Variants in FRMD4A observed in about 807,000 individuals in gnomAD.
The protein encoded by FRMD4A is FERM domain-containing protein 4A.
A neutral mutation model predicts 129.1 loss-of-function variants in FRMD4A; 29 were observed. The ratio of observed to expected loss-of-function variants is 0.22; its 90% CI spans 0.17 to 0.31. The LOEUF (loss-of-function observed/expected upper bound fraction) is 0.31, where lower values mean the gene tolerates loss of function less well. Among genes scored for constraint, FRMD4A ranks in the 10% least tolerant of loss-of-function variants. The pLI is 1.00. For synonymous variants in FRMD4A, 634 were observed against 571.6 expected (o/e 1.11, Z -1.56); for missense variants, 1,272 against 1,375.8 (o/e 0.92, Z 1.19).
chr10:13,973,469 A>G (rs1444812734), intron 2 of FRMD4A, among the ~76,000 whole-genome samples: 1 of 152,150 alleles, frequency 6.6e-6, no homozygotes, highest in African/African-American at 2.4e-5. Context: ...TACAGGCATG[A>G]GCTACCTCAC....
intron 2 of FRMD4A, among the ~76,000 whole-genome samples, chr10:14,015,018 C>CCCTT (rs1359229417): frequency 1.5e-5 from 2 of 136,936 alleles, no homozygotes; most frequent in Non-Finnish European, 3.1e-5. Context: ...CTCCCTCCCT[C>CCCTT]CCTTCCTTCC....
chr10:14,063,024 GAC>G (rs1215534303), intron 2 of FRMD4A, among the ~76,000 whole-genome samples: 1 of 152,156 alleles, frequency 6.6e-6, no homozygotes, highest in Non-Finnish European at 1.5e-5. Flanking sequence ...CTGTTTCATT[GAC>G]AGTGCTTCTC....
chr10:14,001,807 A>G (rs1014209972), intron 2 of FRMD4A, among the ~76,000 whole-genome samples: 1 of 152,214 alleles, frequency 6.6e-6, no homozygotes, highest in Non-Finnish European at 1.5e-5. Context: ...CTGGCTAATA[A>G]TATGTGTGAA....
At chr10:14,109,860 G>A (rs535446550) in intron 2 of FRMD4A, among the ~76,000 whole-genome samples, 1 of 151,318 alleles carries the variant, frequency 6.6e-6, no homozygotes, top group Non-Finnish European at 1.5e-5. Flanking sequence ...TAATCCCAGC[G>A]ACTCAGGTGG....
chr10:13,994,308 T>C (rs1309468015), intron 2 of FRMD4A, among the ~76,000 whole-genome samples: 1 of 151,042 alleles, frequency 6.6e-6, no homozygotes, highest in African/African-American at 2.4e-5. Flanking sequence ...GCCTCCCGAG[T>C]AGCTGGGACT....
intron 2 of FRMD4A, among the ~76,000 whole-genome samples, chr10:14,041,348 T>A (rs1833771206): frequency 2.6e-5 from 4 of 152,272 alleles, no homozygotes; most frequent in Admixed American, 2.0e-4. Context: ...CTTTGCTTTG[T>A]TGTAGTTTCC....
chr10:13,809,310 C>G (rs2093407497), intron 4 of FRMD4A, among the ~76,000 whole-genome samples: 1 of 152,184 alleles, frequency 6.6e-6, no homozygotes, highest in Non-Finnish European at 1.5e-5. Flanking sequence ...CAGGCCTCCT[C>G]TAGAGTTCAC....
At chr10:13,976,205 T>C (rs2095541613) in intron 2 of FRMD4A, among the ~76,000 whole-genome samples, 1 of 152,168 alleles carries the variant, frequency 6.6e-6, no homozygotes, top group Non-Finnish European at 1.5e-5. Flanking sequence ...AGTGTTTGTC[T>C]ATTGTAAGTC....
chr10:13,791,342 A>T (rs1326463620), intron 5 of FRMD4A, among the ~76,000 whole-genome samples: 1 of 152,160 alleles, frequency 6.6e-6, no homozygotes, highest in Non-Finnish European at 1.5e-5. Context: ...CCATGAACCA[A>T]CCTGAAGTTG....
intron 12 of FRMD4A, among the ~76,000 whole-genome samples, chr10:13,733,704 G>A (rs1188345838): frequency 6.6e-6 from 1 of 152,242 alleles, no homozygotes; most frequent in East Asian, 1.9e-4. Context: ...TGGGATTACA[G>A]GCGTGAGCCA....
intron 4 of FRMD4A, among the ~76,000 whole-genome samples, chr10:13,810,244 T>C (rs1454255031): frequency 6.6e-6 from 1 of 152,206 alleles, no homozygotes; most frequent in East Asian, 1.9e-4. Context: ...AAAATGGAAA[T>C]TTTAGTAAAG....
rs755512922 is a variant in FRMD4A, at chr10:13,652,025, G to C, written c.3051-51C>G. 4.2e-6 allele frequency: 4 copies of C among 959,152 alleles called. No individual in the cohort carries two copies. The Admixed American group carries it at 6.8e-5, about 16-fold the overall frequency. 59.4% of individuals were successfully genotyped at this position (959,152 alleles called of 1,614,324 possible). On this transcript the variant is annotated intron_variant, in intron 23 of 24. Coordinates refer to ENST00000357447, the MANE Select transcript of FRMD4A (RefSeq NM_018027.5). ...AAGAGAAGAGAGGTCATGTTACAGAGAGACACTGACACAGACACAGACACG... is the reference window on the plus strand; with the variant it reads ...AAGAGAAGAGAGGTCATGTTACAGACAGACACTGACACAGACACAGACACG...
At chr10:14,142,384 G>T (rs964601459) in intron 2 of FRMD4A, among the ~76,000 whole-genome samples, 1 of 152,182 alleles carries the variant, frequency 6.6e-6, no homozygotes, top group Non-Finnish European at 1.5e-5. Flanking sequence ...CTAGTAAAAT[G>T]CTGACCCTTC....
intron 12 of FRMD4A, among the ~76,000 whole-genome samples, chr10:13,713,846 TAC>T (rs1188962658): frequency 1.3e-3 from 10 of 7,676 alleles, no homozygotes; most frequent in African/African-American, 3.4e-3. Flanking sequence ...GTAATATATA[TAC>T]ACATATATAT....
At chr10:13,651,672 C>CAAAACAAAACATACTCT in intron 24 of FRMD4A, 1 of 532,386 alleles carries the variant, frequency 1.9e-6, no homozygotes, top group Non-Finnish European at 3.4e-6. Context: ...GACTCTGTCT[C>CAAAACAAAACATACTCT]AAAACAAAAC....
intron 2 of FRMD4A, among the ~76,000 whole-genome samples, chr10:14,189,360 G>A (rs764698541): frequency 6.6e-6 from 1 of 152,156 alleles, no homozygotes; most frequent in Admixed American, 6.5e-5. Flanking sequence ...GATCACCTGA[G>A]GTCAGGAGTT....
chr10:14,074,728 T>C (rs755997038), intron 2 of FRMD4A: 1 of 152,180 alleles, frequency 6.6e-6, no homozygotes, highest in African/African-American at 2.4e-5. Flanking sequence ...AGGAACTCGT[T>C]GATTTGTCAA....
intron 2 of FRMD4A, among the ~76,000 whole-genome samples, chr10:14,029,246 G>T (rs937256473): frequency 6.6e-6 from 1 of 152,092 alleles, no homozygotes; most frequent in East Asian, 1.9e-4. Context: ...AAATAAAATA[G>T]AAGTCTCGGT....
chr10:14,238,471 C>A (rs1381130962), intron 2 of FRMD4A, among the ~76,000 whole-genome samples: 3 of 152,006 alleles, frequency 2.0e-5, no homozygotes, highest in East Asian at 1.9e-4. Flanking sequence ...TATCTTTTTC[C>A]GTTCCCCCTT....
Sources: gnomAD v4.1 joint callset for allele counts (sites outside exome capture counted in the v4.1 genomes callset) on GRCh38, gnomAD v4.1.1 for gene constraint, MANE v1.5 for transcripts, NCBI Gene and HGNC (gene_info 2026-07-23, HGNC 2026-07-21) for gene names.